The following PHIP variants were observed in gnomAD, a reference collection of about 807,000 sequenced individuals.
PHIP encodes PHIP subunit of CUL4-Ring ligase complex.
PHIP carries 54 observed loss-of-function variants against 236.8 expected under a neutral mutation model. That is an observed-to-expected ratio of 0.23 (90% CI 0.18 to 0.29). The LOEUF is 0.29. PHIP is among the 10% of genes least tolerant of loss of function. The pLI, the probability that PHIP is intolerant of heterozygous loss-of-function variation, is 1.00. For synonymous variants in PHIP, 756 were observed against 718.9 expected, an observed-to-expected ratio of 1.05 and a Z score of -0.83; for missense variants, 1,370 against 2,190.8, an observed-to-expected ratio of 0.63 and a Z score of 7.48.
At chr6:79,005,476 A>T (rs1213105609) in intron 15 of PHIP, among the ~76,000 whole-genome samples, 2 of 151,998 alleles carry the variant, frequency 1.3e-5, no homozygotes, top group Non-Finnish European at 2.9e-5. Context: ...ATAAATAAGC[A>T]ACCACATGAA....
At chr6:78,963,004 T>C (rs1766884128) in intron 30 of PHIP, 93 bp downstream of exon 30, 1 of 1,184,784 alleles carries the variant, frequency 8.4e-7, no homozygotes, top group Non-Finnish European at 1.2e-6. Flanking sequence ...CTTAGGATAT[T>C]GTGAAAAAAA....
chr6:79,060,465 T>G lies in PHIP; in HGVS notation c.439+13A>C. On this transcript the variant is annotated intron_variant, in intron 6 of 39. Coordinates refer to ENST00000275034, the MANE Select transcript of PHIP (RefSeq NM_017934.7). ...AAGAGGCTATTAACTACTAGTGAAC[T>G]CAAACAACTCACCAATGCTGGGTGG... 6.3e-7 allele frequency: 1 copy of G among 1,594,752 alleles called. No homozygotes were observed. The highest frequency in any genetic ancestry group is 1.1e-5 in the South Asian group (1 of 89,078).
At chr6:79,064,770 C>T (rs1334262395) in intron 4 of PHIP, among the ~76,000 whole-genome samples, 1 of 152,144 alleles carries the variant, frequency 6.6e-6, no homozygotes, top group Non-Finnish European at 1.5e-5. Flanking sequence ...GTTCCAGATC[C>T]TCTTTTCTTC....
intron 17 of PHIP, among the ~76,000 whole-genome samples, chr6:79,001,506 T>C (rs1175335064): frequency 5.3e-5 from 8 of 152,142 alleles, no homozygotes; most frequent in African/African-American, 1.9e-4. Flanking sequence ...TGTTTATTAA[T>C]CTACTAACCC....
chr6:79,047,259 G>A (rs748853585), intron 6 of PHIP, among the ~76,000 whole-genome samples: 2 of 152,128 alleles, frequency 1.3e-5, no homozygotes, highest in Non-Finnish European at 2.9e-5. Context: ...GTGACTATGC[G>A]CATATTCAGC....
At chr6:79,049,679 G>T (rs1186061681) in intron 6 of PHIP, among the ~76,000 whole-genome samples, 1 of 152,064 alleles carries the variant, frequency 6.6e-6, no homozygotes, top group Admixed American at 6.6e-5. Flanking sequence ...ATTCCAAACT[G>T]ATTTACCCCT....
chr6:78,979,859 A>G lies in PHIP; in HGVS notation c.2770-1148T>C, dbSNP rs77144833. ...CTAAAAGAAGCAATGCCATAACATGATATCAGAGAACACTACTTGCAATAG... is the reference window on the plus strand; with the variant it reads ...CTAAAAGAAGCAATGCCATAACATGGTATCAGAGAACACTACTTGCAATAG... On this transcript the variant is annotated intron_variant, in intron 23 of 39. Coordinates refer to ENST00000275034, the MANE Select transcript of PHIP (RefSeq NM_017934.7). Among the ~76,000 whole-genome samples the G allele has an allele frequency of 5.3e-3, 800 of 152,128 alleles. 6 individuals carry two copies. The highest frequency in any genetic ancestry group is 0.018 in the African/African-American group (734 of 41,542).
chr6:78,957,060 C>G (rs1582105115), intron 32 of PHIP: 1 of 151,964 alleles, frequency 6.6e-6, no homozygotes, highest in Admixed American at 6.6e-5. Context: ...AAACTATACA[C>G]ATCTAAAAAA....
intron 20 of PHIP, among the ~76,000 whole-genome samples, chr6:78,989,507 A>C (rs1166465183): frequency 6.6e-6 from 1 of 152,194 alleles, no homozygotes; most frequent in Non-Finnish European, 1.5e-5. Flanking sequence ...TCAATTAGAC[A>C]TCCTTGAAAT....
At chr6:79,000,822 G>C (rs1286942750) in intron 17 of PHIP, among the ~76,000 whole-genome samples, 1 of 152,056 alleles carries the variant, frequency 6.6e-6, no homozygotes. Context: ...ACAAACTCCA[G>C]ATAAGTCCAC....
At chr6:79,058,391 A>C (rs1174638441) in intron 6 of PHIP, among the ~76,000 whole-genome samples, 1 of 152,118 alleles carries the variant, frequency 6.6e-6, no homozygotes, top group African/African-American at 2.4e-5. Flanking sequence ...TACTAATCTG[A>C]CCATCAACGA....
At position 78,960,718 on chromosome 6, in the gene PHIP, T is replaced by C. The variant is rs371604849; in HGVS notation, c.3656+972A>G. Among the ~76,000 whole-genome samples, 50 of 152,232 alleles carry C rather than the reference T, an allele frequency of 3.3e-4. 1 individual carries two copies. Among genetic ancestry groups the C allele is most frequent in the African/African-American group, 1.1e-3 (45 of 41,556 alleles). ...ATGCTCCCCAGAAGACATGTGACAA[T>C]GTCTGAACACATTTTTGGTTTTCAC... On this transcript the variant is annotated intron_variant, in intron 31 of 39. Coordinates refer to ENST00000275034, the MANE Select transcript of PHIP (RefSeq NM_017934.7).
At chr6:79,037,883 C>T (rs185407110) in intron 7 of PHIP, among the ~76,000 whole-genome samples, 95 of 152,238 alleles carry the variant, frequency 6.2e-4, no homozygotes, top group Middle Eastern at 3.4e-3. Context: ...TAAAAAATAA[C>T]AACAAAGGCA....
intron 24 of PHIP, among the ~76,000 whole-genome samples, chr6:78,971,992 G>GCAGC (rs1397269958): frequency 1.5e-3 from 227 of 152,234 alleles, no homozygotes; most frequent in African/African-American, 5.0e-3. Flanking sequence ...GGTAAACAAA[G>GCAGC]CAGCCGGGAA....
chr6:78,990,117 G>A (rs1769134344), intron 20 of PHIP, among the ~76,000 whole-genome samples: 1 of 152,082 alleles, frequency 6.6e-6, no homozygotes, highest in Non-Finnish European at 1.5e-5. Context: ...TGGTGAAGAA[G>A]GCCAGTTATT....
At chr6:78,987,656 G>T (rs984911199) in intron 21 of PHIP, among the ~76,000 whole-genome samples, 2 of 152,088 alleles carry the variant, frequency 1.3e-5, no homozygotes, top group African/African-American at 2.4e-5. Flanking sequence ...TGCTTAATAA[G>T]ATTGGTTTAT....
At chr6:78,945,162 C>T (rs1205807244) in intron 39 of PHIP, 138 bp downstream of exon 39, 2 of 643,154 alleles carry the variant, frequency 3.1e-6, no homozygotes, top group East Asian at 5.3e-5. Context: ...TAGCTCATTG[C>T]AGTAAATTTA....
At chr6:79,055,572 G>C (rs879684468) in intron 6 of PHIP, among the ~76,000 whole-genome samples, 1 of 152,158 alleles carries the variant, frequency 6.6e-6, no homozygotes, top group Non-Finnish European at 1.5e-5. Flanking sequence ...AATAACAACA[G>C]ATCAGTGGGA....
intron 17 of PHIP, among the ~76,000 whole-genome samples, chr6:78,999,610 T>C (rs536522425): frequency 1.3e-5 from 2 of 152,142 alleles, no homozygotes; most frequent in South Asian, 2.1e-4. Context: ...ATATGAAAAA[T>C]ATTGCCATGA....
Sources: gnomAD v4.1 joint callset for allele counts (sites outside exome capture counted in the v4.1 genomes callset) on GRCh38, gnomAD v4.1.1 for gene constraint, MANE v1.5 for transcripts, NCBI Gene and HGNC (gene_info 2026-07-23, HGNC 2026-07-21) for gene names.